The following HS6ST2 variants were observed in gnomAD, a reference collection of about 807,000 sequenced individuals.
The protein encoded by HS6ST2 is heparan-sulfate 6-O-sulfotransferase 2.
HS6ST2 carries 17 observed loss-of-function variants against 33.0 expected under a neutral mutation model. That is an observed-to-expected ratio of 0.52 (90% confidence interval 0.35 to 0.77). The LOEUF is 0.77. HS6ST2 is among the 30% of genes least tolerant of loss of function. The pLI, the probability that HS6ST2 is intolerant of heterozygous loss-of-function variation, is 0.01. For synonymous variants in HS6ST2, 248 were observed against 237.1 expected (o/e 1.05, Z -0.42); for missense variants, 519 against 551.7 (o/e 0.94, Z 0.59).
At chrX:132,859,289 C>G (rs923091045) in intron 2 of HS6ST2, among the ~76,000 whole-genome samples, 7 of 111,770 alleles carry the variant, frequency 6.3e-5, no homozygotes, top group African/African-American at 1.6e-4. Context: ...TGAAAACACA[C>G]TTGTAGCAGA....
chrX:132,650,807 C>T (rs2148181981), intron 4 of HS6ST2, among the ~76,000 whole-genome samples: 1 of 108,524 alleles, frequency 9.2e-6, no homozygotes, highest in Non-Finnish European at 1.9e-5. Flanking sequence ...TGAGGTCTCA[C>T]TCTATCGCCC....
chrX:132,791,807 C>T, intron 2 of HS6ST2, among the ~76,000 whole-genome samples: 1 of 97,924 alleles, frequency 1.0e-5, no homozygotes, highest in African/African-American at 3.7e-5. Flanking sequence ...GAGCCCATTT[C>T]TACAAAAAAA....
Position 132,798,386 on chromosome X carries a change from T to C in HS6ST2, c.948-89892A>G, listed in dbSNP as rs1296329641. Among the ~76,000 whole-genome samples, 3 of 111,261 alleles carry C rather than the reference T, an allele frequency of 2.7e-5. No individual in the cohort carries two copies. The East Asian group carries it at 8.6e-4, about 32-fold the overall frequency. ...TCAGCAGAATAGCCAGCAGGGATCCTTTTTTTCCTGTTCACAAGTCAACGC... is the reference window on the plus strand; with the variant it reads ...TCAGCAGAATAGCCAGCAGGGATCCCTTTTTTCCTGTTCACAAGTCAACGC... On this transcript the variant is annotated intron_variant, in intron 2 of 4. Transcript: ENST00000370833.
intron 2 of HS6ST2, among the ~76,000 whole-genome samples, chrX:132,858,399 T>C (rs2065875002): frequency 8.9e-6 from 1 of 112,328 alleles, no homozygotes; most frequent in African/African-American, 3.2e-5. Flanking sequence ...TCTAATGATA[T>C]TGATGAAAAA....
At chrX:132,890,065 T>C (rs371448079) in intron 2 of HS6ST2, among the ~76,000 whole-genome samples, 29 of 111,936 alleles carry the variant, frequency 2.6e-4, no homozygotes, top group African/African-American at 9.1e-4. Context: ...AAAGAGGACA[T>C]ATTGTTTTTG....
intron 2 of HS6ST2, among the ~76,000 whole-genome samples, chrX:132,952,262 G>A (rs1368747178): frequency 1.8e-5 from 2 of 111,944 alleles, no homozygotes; most frequent in Non-Finnish European, 3.8e-5. Context: ...GAATTCTACA[G>A]ATATTGTAAT....
Position 132,957,058 on chromosome X carries a change from G to A in HS6ST2, c.697C>T (p.His233Tyr). The A allele has an allele frequency of 1.7e-6, 2 of 1,211,927 alleles. No individual in the cohort carries two copies. Among genetic ancestry groups the A allele is most frequent in the Non-Finnish European group, 2.2e-6 (2 of 895,498 alleles). Residue 233 changes from histidine to tyrosine, a missense_variant, in exon 2 of 5, where the codon CAC becomes TAC. By Grantham distance (83) the His-to-Tyr change is moderately conservative. Transcript: ENST00000370833. ...IKGDDLIVFL[H>Y]IQKTGGTTFG... is the part of the protein sequence containing the mutation. ...GTGGTGCCCCCGGTCTTCTGGATGT[G>A]CAGGAACACGATCAGGTCATCGCCC... is the stretch of plus-strand genomic sequence containing the variant.
chrX:132,857,960 T>C (rs1377611991), intron 2 of HS6ST2, among the ~76,000 whole-genome samples: 2 of 112,066 alleles, frequency 1.8e-5, no homozygotes, highest in Admixed American at 9.4e-5. Flanking sequence ...TTTGTGAAAT[T>C]GTTGGACTGC....
intron 2 of HS6ST2, among the ~76,000 whole-genome samples, chrX:132,812,594 G>A (rs1209977811): frequency 2.1e-5 from 2 of 94,991 alleles, no homozygotes; most frequent in Non-Finnish European, 4.2e-5. Context: ...GGGGGGGGGA[G>A]AAATTATTCA....
At chrX:132,925,368 T>C (rs1465166879) in intron 2 of HS6ST2, among the ~76,000 whole-genome samples, 1 of 111,789 alleles carries the variant, frequency 8.9e-6, no homozygotes, top group Admixed American at 9.5e-5. Flanking sequence ...TCCTAGCAAA[T>C]TGTCAAACCC....
At chrX:132,881,805 G>T (rs1187902897) in intron 2 of HS6ST2, among the ~76,000 whole-genome samples, 83 of 111,724 alleles carry the variant, frequency 7.4e-4, no homozygotes, top group Non-Finnish European at 1.2e-3. Flanking sequence ...TTTTGTATAA[G>T]GTGTAAGGAA....
chrX:132,930,487 A>G (rs775073651), intron 2 of HS6ST2, among the ~76,000 whole-genome samples: 33 of 111,125 alleles, frequency 3.0e-4, no homozygotes, highest in African/African-American at 1.0e-3. Context: ...CTTTGTCCCT[A>G]TTGGCCTGAC....
chrX:132,755,783 G>T (rs974247599), intron 2 of HS6ST2, among the ~76,000 whole-genome samples: 2 of 111,866 alleles, frequency 1.8e-5, no homozygotes, highest in East Asian at 5.5e-4. Flanking sequence ...CCTATGAATA[G>T]ACACTGCACT....
rs755299823 is a variant in HS6ST2, at chrX:132,808,924, C to T, written c.948-100430G>A. ...TCCCAGATTTAATAAAATGTGTAAA[C>T]TAGGATTTCTCATGCATCAAACGCA... On this transcript the variant is annotated intron_variant, in intron 2 of 4. Coordinates refer to ENST00000370833, the MANE Select transcript of HS6ST2 (RefSeq NM_001394073.1). Among the ~76,000 whole-genome samples the T allele has an allele frequency of 1.4e-4, 16 of 112,141 alleles. No homozygotes were observed. The South Asian group carries it at 5.6e-3, about 39-fold the overall frequency.
At chrX:132,776,877 C>T (rs1403259765) in intron 2 of HS6ST2, among the ~76,000 whole-genome samples, 1 of 110,288 alleles carries the variant, frequency 9.1e-6, no homozygotes, top group African/African-American at 3.3e-5. Flanking sequence ...TTTAAAGGTC[C>T]AGTTTAAGTC....
intron 4 of HS6ST2, among the ~76,000 whole-genome samples, chrX:132,632,158 G>A (rs766304024): frequency 9.0e-6 from 1 of 111,359 alleles, no homozygotes; most frequent in Non-Finnish European, 1.9e-5. Context: ...CTGCCTTGGT[G>A]ATAACAGCCA....
intron 3 of HS6ST2, among the ~76,000 whole-genome samples, chrX:132,689,770 G>A (rs2064046579): frequency 8.9e-6 from 1 of 112,436 alleles, no homozygotes; most frequent in South Asian, 3.7e-4. Context: ...AGATACTTCA[G>A]TTTGAAGCAA....
At chrX:132,702,869 G>A (rs1210437020) in intron 3 of HS6ST2, among the ~76,000 whole-genome samples, 2 of 111,580 alleles carry the variant, frequency 1.8e-5, no homozygotes, top group Non-Finnish European at 3.8e-5. Context: ...TGTCCCCCAT[G>A]TCTAGAACAG....
At chrX:132,712,040 T>C (rs1289169568) in intron 2 of HS6ST2, among the ~76,000 whole-genome samples, 12 of 111,426 alleles carry the variant, frequency 1.1e-4, no homozygotes, top group African/African-American at 3.9e-4. Context: ...CCAACACTGT[T>C]TGGGTCAGAT....
Sources: allele counts gnomAD v4.1 joint callset (sites outside exome capture counted in the v4.1 genomes callset), GRCh38; gene constraint gnomAD v4.1.1; transcripts MANE v1.5; gene names NCBI Gene and HGNC (gene_info 2026-07-23, HGNC 2026-07-21).